CALN1: variants seen among roughly 807,000 people sequenced by gnomAD.
The protein encoded by CALN1 is calneuron 1, also known as calcium-binding protein 8.
Under a neutral mutation model 30.6 loss-of-function variants are expected in CALN1, and 17 were observed. The ratio of observed to expected loss-of-function variants is 0.56; its 90% CI spans 0.38 to 0.83. The LOEUF (loss-of-function observed/expected upper bound fraction) is 0.83. CALN1 is among the 40% of genes least tolerant of loss of function. The pLI is 0.00. For missense variants in CALN1, 291 were observed against 354.9 expected (o/e 0.82, Z 1.45); for synonymous variants, 156 against 131.4 (o/e 1.19, Z -1.28).
At chr7:72,252,468 G>A (rs1795626188) in intron 3 of CALN1, among the ~76,000 whole-genome samples, 1 of 152,060 alleles carries the variant, frequency 6.6e-6, no homozygotes, top group Non-Finnish European at 1.5e-5. Flanking sequence ...GCCATGTGTG[G>A]TGGTGCTTGC....
intron 3 of CALN1, among the ~76,000 whole-genome samples, chr7:72,160,606 A>C (rs1429687594): frequency 6.6e-6 from 1 of 152,104 alleles, no homozygotes; most frequent in Non-Finnish European, 1.5e-5. Flanking sequence ...TGCAACACTA[A>C]AGTAAGCCTC....
Position 71,859,086 on chromosome 7 carries a change from C to T in CALN1, c.502-48594G>A, listed in dbSNP as rs553570155. 1.6e-3 allele frequency among the ~76,000 whole-genome samples: 243 copies of T among 152,204 alleles called. 1 individual carries two copies. Among genetic ancestry groups the T allele is most frequent in the African/African-American group, 5.4e-3 (225 of 41,546 alleles). Reference sequence around the variant, plus strand: ...ATGTTTGTTTGTTTGTTTTTGGAGACAGAGTTTTGCTCTATCCCCAAGCTG... The same window carrying T: ...ATGTTTGTTTGTTTGTTTTTGGAGATAGAGTTTTGCTCTATCCCCAAGCTG... On this transcript the variant is annotated intron_variant, in intron 5 of 6. Coordinates refer to ENST00000395275, the MANE Select transcript of CALN1 (RefSeq NM_031468.4).
chr7:72,480,822 A>G, the CALN1 span, among the ~76,000 whole-genome samples: 1 of 152,348 alleles, frequency 6.6e-6, no homozygotes, highest in East Asian at 1.9e-4. Flanking sequence ...GCCAAAAAAA[A>G]AAATTGTTCA....
intron 1 of CALN1, among the ~76,000 whole-genome samples, chr7:72,441,682 C>G (rs554560201): frequency 1.0e-3 from 155 of 149,412 alleles, no homozygotes; most frequent in African/African-American, 3.3e-3. Flanking sequence ...AATGTACAAA[C>G]AGGGCGAATC....
chr7:71,858,680 A>G (rs1189612559), intron 5 of CALN1, among the ~76,000 whole-genome samples: 3 of 152,086 alleles, frequency 2.0e-5, no homozygotes, highest in African/African-American at 7.2e-5. Flanking sequence ...TCACATGTAA[A>G]TTGTGTGTTC....
intron 6 of CALN1, among the ~76,000 whole-genome samples, chr7:71,799,166 A>G (rs924945346): frequency 2.6e-5 from 4 of 152,108 alleles, no homozygotes; most frequent in African/African-American, 4.8e-5. Flanking sequence ...GTGCTTACTA[A>G]TATGTTGAGT....
chr7:72,428,790 G>A (rs1017523817), intron 1 of CALN1, among the ~76,000 whole-genome samples: 1 of 152,196 alleles, frequency 6.6e-6, no homozygotes, highest in Admixed American at 6.5e-5. Flanking sequence ...CTTGAGTCCA[G>A]GAGTTCAAGA....
chr7:72,232,861 G>C (rs1032849342), intron 3 of CALN1, among the ~76,000 whole-genome samples: 2 of 152,104 alleles, frequency 1.3e-5, no homozygotes, highest in African/African-American at 2.4e-5. Context: ...TAAAAGACTG[G>C]AAGGAAACAA....
intron 5 of CALN1, among the ~76,000 whole-genome samples, chr7:71,907,363 A>C (rs71551236): frequency 0.085 from 12,998 of 152,058 alleles, 940 homozygotes; most frequent in East Asian, 0.42. Context: ...CTGGGCTGCA[A>C]ACCAGAAGGA....
intron 2 of CALN1, among the ~76,000 whole-genome samples, chr7:72,390,201 C>T (rs1314098378): frequency 4.6e-5 from 7 of 151,968 alleles, no homozygotes; most frequent in African/African-American, 1.7e-4. Flanking sequence ...GAGGCCGAGG[C>T]GGGTGAATCA....
intron 4 of CALN1, among the ~76,000 whole-genome samples, chr7:72,056,936 T>C (rs774171272): frequency 2.6e-5 from 4 of 152,072 alleles, no homozygotes; most frequent in East Asian, 3.9e-4. Context: ...ATTTTTGTTG[T>C]TGTTGTTGTT....
intron 3 of CALN1, among the ~76,000 whole-genome samples, chr7:72,145,007 C>A (rs1169727016): frequency 1.3e-5 from 2 of 152,004 alleles, no homozygotes; most frequent in Non-Finnish European, 2.9e-5. Context: ...TAAATGCCCA[C>A]AAGAGAAAGC....
chr7:72,395,047 C>T (rs575442806), intron 2 of CALN1, among the ~76,000 whole-genome samples: 11 of 152,270 alleles, frequency 7.2e-5, no homozygotes, highest in Admixed American at 3.3e-4. Context: ...GCCCCAGGAA[C>T]GCCCTGAGCT....
intron 2 of CALN1, among the ~76,000 whole-genome samples, chr7:72,360,427 T>A (rs1171858393): frequency 2.0e-5 from 3 of 152,086 alleles, no homozygotes; most frequent in African/African-American, 7.2e-5. Flanking sequence ...TTTTGAAATT[T>A]TTTTATTTAA....
intron 1 of CALN1, among the ~76,000 whole-genome samples, chr7:72,442,738 T>A (rs751440129): frequency 6.6e-6 from 1 of 152,108 alleles, no homozygotes; most frequent in Non-Finnish European, 1.5e-5. Context: ...GTTGCAATTA[T>A]TTAGGATTGC....
intron 5 of CALN1, among the ~76,000 whole-genome samples, chr7:71,900,745 A>C (rs891514701): frequency 4.0e-5 from 6 of 151,212 alleles, no homozygotes; most frequent in African/African-American, 1.2e-4. Flanking sequence ...TGTTGGAGGG[A>C]AAGTCCCAAA....
intron 2 of CALN1, among the ~76,000 whole-genome samples, chr7:72,401,947 T>C (rs1307671623): frequency 6.6e-6 from 1 of 152,182 alleles, no homozygotes; most frequent in African/African-American, 2.4e-5. Context: ...TCCTTTCATT[T>C]ATCCTAGGCT....
chr7:72,100,452 G>A (rs1806571345), intron 4 of CALN1, among the ~76,000 whole-genome samples: 1 of 152,054 alleles, frequency 6.6e-6, no homozygotes, highest in Non-Finnish European at 1.5e-5. Flanking sequence ...GAAGTGCTGG[G>A]ATTACAAAAT....
At chr7:72,163,817 A>C (rs1377653367) in intron 3 of CALN1, among the ~76,000 whole-genome samples, 1 of 152,220 alleles carries the variant, frequency 6.6e-6, no homozygotes, top group Non-Finnish European at 1.5e-5. Context: ...ACATACATGT[A>C]ATGAAAATCC....
Sources: allele counts gnomAD v4.1 joint callset (sites outside exome capture counted in the v4.1 genomes callset), GRCh38; gene constraint gnomAD v4.1.1; transcripts MANE v1.5; gene names NCBI Gene and HGNC (gene_info 2026-07-23, HGNC 2026-07-21).